Variants in USP6NL observed in about 807,000 individuals in gnomAD.
USP6NL encodes the protein USP6 N-terminal like.
USP6NL carries 26 observed loss-of-function variants against 61.9 expected under a neutral mutation model. The ratio of observed to expected loss-of-function variants is 0.42; its 90% CI spans 0.31 to 0.58. The LOEUF (loss-of-function observed/expected upper bound fraction) is 0.58, where lower values mean the gene tolerates loss of function less well. Among genes scored for constraint, USP6NL ranks in the 20% least tolerant of loss-of-function variants. The probability of loss-of-function intolerance (pLI) is 0.16; values close to 1 mark genes in which losing one functional copy is unlikely to be tolerated. For synonymous variants in USP6NL, 432 were observed against 390.1 expected (o/e 1.11, Z -1.27); for missense variants, 1,114 against 1,034.3 (o/e 1.08, Z -1.06).
intron 1 of USP6NL, among the ~76,000 whole-genome samples, chr10:11,608,425 G>A (rs1348195013): frequency 1.3e-5 from 2 of 152,188 alleles, no homozygotes; most frequent in Non-Finnish European, 2.9e-5. Context: ...ACTGCTCATG[G>A]GCTATGGACG....
Position 11,485,286 on chromosome 10 carries a change from C to A in USP6NL, c.760-52G>T. ...ATGGATTGTAGCAAACTAAATTTAACAAAATAATACTAAGTTAGGAAGGCT... is the reference window on the plus strand; with the variant it reads ...ATGGATTGTAGCAAACTAAATTTAAAAAAATAATACTAAGTTAGGAAGGCT... On this transcript the variant is annotated intron_variant, in intron 11 of 14. Transcript: ENST00000609104. This position sits in a 1 kb window ranked among gnomAD's most constrained non-coding sequence, Gnocchi z 4.8. 1 of 1,398,986 alleles carries A rather than the reference C, an allele frequency of 7.1e-7. No homozygotes were observed. The highest frequency in any genetic ancestry group is 1.4e-5 in the South Asian group (1 of 72,350). The allele number at this position is 1,398,986 out of a possible 1,614,324, so 86.7% of individuals were successfully genotyped here.
At chr10:11,527,593 T>A in intron 2 of USP6NL, 26 bp from the exon 3 acceptor site, 9 of 1,587,304 alleles carry the variant, frequency 5.7e-6, no homozygotes, top group Non-Finnish European at 7.7e-6. Flanking sequence ...CAAATTTAGA[T>A]GAATTGTCAT....
chr10:11,492,718 G>A (rs1368612816), intron 8 of USP6NL, among the ~76,000 whole-genome samples: 1 of 152,216 alleles, frequency 6.6e-6, no homozygotes, highest in African/African-American at 2.4e-5. Context: ...TAGCAATGAT[G>A]TATCAATTCA....
rs1047188601 is a variant in USP6NL at position 11,575,666 on chromosome 10, T to C, written c.4+21965A>G. Among the ~76,000 whole-genome samples the C allele has an allele frequency of 3.9e-5, 6 of 152,234 alleles. No homozygotes were observed. The highest frequency in any genetic ancestry group is 8.8e-5 in the Non-Finnish European group (6 of 68,048). On this transcript the variant is annotated intron_variant, in intron 2 of 14. Transcript: ENST00000609104. The surrounding 1 kb of genome is among the most constrained non-coding windows in gnomAD (Gnocchi z 4.2). ...CTTTGAACACATTGGTTCACTACTG[T>C]CAATGCTTAGCTTCTGCTAAGCAAT...
chr10:11,547,031 T>C (rs1374720179), intron 2 of USP6NL, among the ~76,000 whole-genome samples: 1 of 152,210 alleles, frequency 6.6e-6, no homozygotes, highest in Non-Finnish European at 1.5e-5. Flanking sequence ...AATTATTCCA[T>C]ATACCATTAA....
chr10:11,488,079 G>T (rs1275172807), intron 10 of USP6NL, among the ~76,000 whole-genome samples: 1 of 152,102 alleles, frequency 6.6e-6, no homozygotes, highest in African/African-American at 2.4e-5. Context: ...AAATAATTTT[G>T]CATTATATGA....
intron 2 of USP6NL, among the ~76,000 whole-genome samples, chr10:11,569,891 T>C (rs1224363004): frequency 6.6e-6 from 1 of 152,204 alleles, no homozygotes; most frequent in Non-Finnish European, 1.5e-5. Context: ...CCTAAGAGAA[T>C]TTCCAAACAT....
intron 2 of USP6NL, among the ~76,000 whole-genome samples, chr10:11,541,091 C>A (rs4237415): frequency 0.16 from 23,480 of 151,312 alleles, 2,142 homozygotes; most frequent in East Asian, 0.21. Context: ...TCCTGAACTG[C>A]GTTATATGTA....
rs898189276 is a variant in USP6NL, at chr10:11,485,006, G to A, written c.890C>T (p.Thr297Ile). Residue 297 changes from threonine (T) to isoleucine (I), a missense_variant, in exon 13 of 15, where the codon ACT becomes ATT. Physicochemically the swap from Thr to Ile is moderately conservative, Grantham distance 89. Coordinates refer to ENST00000609104, the MANE Select transcript of USP6NL (RefSeq NM_014688.5). The surrounding 1 kb of genome is among the most constrained non-coding windows in gnomAD (Gnocchi z 4.8). ...IYIFEGERVLTAMSYTILKLH... is the reference protein window; with the variant it reads ...IYIFEGERVLIAMSYTILKLH... Reference sequence around the variant, plus strand: ...TTTTAAGATGGTGTAAGACATAGCAGTAAGAACTCGTTCTCCTTCAAAGAT... The same window carrying A: ...TTTTAAGATGGTGTAAGACATAGCAATAAGAACTCGTTCTCCTTCAAAGAT... 2 of 1,550,314 alleles carry A rather than the reference G, an allele frequency of 1.3e-6. No homozygotes were observed. The highest frequency in any genetic ancestry group is 1.4e-5 in the African/African-American group (1 of 73,080).
At chr10:11,536,211 ACT>A (rs1566165448) in intron 2 of USP6NL, among the ~76,000 whole-genome samples, 1 of 152,130 alleles carries the variant, frequency 6.6e-6, no homozygotes, top group Non-Finnish European at 1.5e-5. Flanking sequence ...CCACCCTACC[ACT>A]GGTGGTCCTG....
chr10:11,546,677 A>C (rs1027409069), intron 2 of USP6NL, among the ~76,000 whole-genome samples: 1 of 152,098 alleles, frequency 6.6e-6, no homozygotes, highest in African/African-American at 2.4e-5. Context: ...AGGCCTCCCA[A>C]AGCAATTTGG....
intron 5 of USP6NL, 71 bp from the exon 6 acceptor site, chr10:11,509,746 G>T (rs1834618594): frequency 7.8e-7 from 1 of 1,282,442 alleles, no homozygotes; most frequent in Admixed American, 2.6e-5. Flanking sequence ...AAACTTCAAA[G>T]AAAATGCTTC....
chr10:11,534,300 C>T (rs1191420031), intron 2 of USP6NL, among the ~76,000 whole-genome samples: 1 of 152,232 alleles, frequency 6.6e-6, no homozygotes, highest in Admixed American at 6.5e-5. Flanking sequence ...AGTCTTGATA[C>T]CAACTGCAAT....
intron 14 of USP6NL, among the ~76,000 whole-genome samples, chr10:11,477,189 G>GA (rs1328796308): frequency 3.3e-5 from 5 of 151,934 alleles, no homozygotes; most frequent in Non-Finnish European, 5.9e-5. Context: ...CGACTTTATG[G>GA]AAAAAAGAAG....
rs915772876 is a variant in USP6NL at position 11,592,775 on chromosome 10, A to G, written c.4+4856T>C. Reference sequence around the variant, plus strand: ...GAAGTCTTCTGTTACTTGGAGCACAACTTTTTTACTTAGTAAGACTCTGAA... The same window carrying G: ...GAAGTCTTCTGTTACTTGGAGCACAGCTTTTTTACTTAGTAAGACTCTGAA... On this transcript the variant is annotated intron_variant, in intron 2 of 14. Transcript: ENST00000609104. The surrounding 1 kb of genome is among the most constrained non-coding windows in gnomAD (Gnocchi z 4.7). Among the ~76,000 whole-genome samples, 1 of 152,162 alleles carries G rather than the reference A, an allele frequency of 6.6e-6. No homozygotes were observed. The highest frequency in any genetic ancestry group is 1.5e-5 in the Non-Finnish European group (1 of 68,028).
At chr10:11,555,376 T>C (rs1477124106) in intron 2 of USP6NL, among the ~76,000 whole-genome samples, 4 of 131,112 alleles carry the variant, frequency 3.1e-5, no homozygotes, top group African/African-American at 8.7e-5. Flanking sequence ...GATCGCACCA[T>C]TGCACTCCAG....
rs1833529993 is a variant in USP6NL, at chr10:11,487,706, T to C, written c.664+1396A>G. On this transcript the variant is annotated intron_variant, in intron 10 of 14. Coordinates refer to ENST00000609104, the MANE Select transcript of USP6NL (RefSeq NM_014688.5). The surrounding 1 kb of genome is among the most constrained non-coding windows in gnomAD (Gnocchi z 4.2). ...TTACTTTTAGAGCCTATTTACTAGA[T>C]GCAAAGCGCCCAGACCCAGTTACCA... Among the ~76,000 whole-genome samples the C allele has an allele frequency of 6.6e-6, 1 of 152,128 alleles. No individual in the cohort carries two copies.
chr10:11,593,837 C>T (rs1440427068), intron 2 of USP6NL, among the ~76,000 whole-genome samples: 1 of 152,216 alleles, frequency 6.6e-6, no homozygotes, highest in Non-Finnish European at 1.5e-5. Flanking sequence ...TGCCTCTAAG[C>T]TCTAAACAGC....
At chr10:11,514,091 GC>G (rs1479581510) in intron 5 of USP6NL, among the ~76,000 whole-genome samples, 9 of 152,164 alleles carry the variant, frequency 5.9e-5, no homozygotes, top group Admixed American at 4.6e-4. Flanking sequence ...GTTAGTATTT[GC>G]CCAATTTTTC....
Sources: gnomAD v4.1 joint callset for allele counts (sites outside exome capture counted in the v4.1 genomes callset) on GRCh38, gnomAD v4.1.1 for gene constraint, Gnocchi (gnomAD v3.1) non-coding constraint, MANE v1.5 for transcripts, NCBI Gene and HGNC (gene_info 2026-07-23, HGNC 2026-07-21) for gene names.